Variants in GDAP1L1 observed in about 807,000 individuals in gnomAD.
GDAP1L1 encodes the protein ganglioside-induced differentiation-associated protein 1-like 1.
Under a neutral mutation model 37.1 loss-of-function variants are expected in GDAP1L1, and 21 were observed. The observed-to-expected ratio is 0.57, with a 90% CI of 0.40 to 0.81. GDAP1L1 has a LOEUF of 0.81. Ranked by LOEUF, GDAP1L1 falls within the 40% of genes least tolerant of loss-of-function variation. The probability of loss-of-function intolerance (pLI) is 0.00; values close to 1 mark genes in which losing one functional copy is unlikely to be tolerated. For missense variants in GDAP1L1, 362 were observed against 491.6 expected, an observed-to-expected ratio of 0.74 and a Z score of 2.49; for synonymous variants, 193 against 209.1, an observed-to-expected ratio of 0.92 and a Z score of 0.67.
chr20:44,247,571 C>A (rs1254554690), intron 1 of GDAP1L1, 57 bp downstream of exon 1: 2 of 1,423,582 alleles, frequency 1.4e-6, no homozygotes, highest in Admixed American at 2.8e-5. Flanking sequence ...GGGAGGGGAG[C>A]CCCAGGGCTT....
At chr20:44,254,364 C>T (rs890987504) in intron 1 of GDAP1L1, among the ~76,000 whole-genome samples, 1 of 152,210 alleles carries the variant, frequency 6.6e-6, no homozygotes, top group Admixed American at 6.5e-5. Flanking sequence ...TACACACGCA[C>T]TCACACTCAG....
chr20:44,262,998 T>C (rs1181391819), intron 3 of GDAP1L1, among the ~76,000 whole-genome samples: 6 of 152,144 alleles, frequency 3.9e-5, no homozygotes, highest in South Asian at 2.1e-4. Context: ...GGGTGAGCCA[T>C]TGGCTGAGAT....
chr20:44,251,853 C>T (rs2073449965), intron 1 of GDAP1L1, among the ~76,000 whole-genome samples: 1 of 152,102 alleles, frequency 6.6e-6, no homozygotes, highest in African/African-American at 2.4e-5. Context: ...AGAACGAAAA[C>T]CAATCGTATT....
chr20:44,278,139 G>T (rs2062603491), intron 5 of GDAP1L1, among the ~76,000 whole-genome samples: 2 of 142,358 alleles, frequency 1.4e-5, no homozygotes, highest in African/African-American at 2.6e-5. Flanking sequence ...GGGCAACAGA[G>T]TGAGACTCCA....
chr20:44,253,168 C>G (rs181378247), intron 1 of GDAP1L1, among the ~76,000 whole-genome samples: 1 of 152,190 alleles, frequency 6.6e-6, no homozygotes, highest in Non-Finnish European at 1.5e-5. Context: ...ACGCACTCAC[C>G]GTCTTTTGAC....
intron 5 of GDAP1L1, among the ~76,000 whole-genome samples, chr20:44,269,623 G>A (rs1221045904): frequency 1.3e-5 from 2 of 152,054 alleles, no homozygotes; most frequent in South Asian, 2.1e-4. Context: ...TTGGGAGTGA[G>A]GTAAAGAGAA....
chr20:44,272,222 G>T (rs867945771), intron 5 of GDAP1L1, among the ~76,000 whole-genome samples: 1 of 152,222 alleles, frequency 6.6e-6, no homozygotes, highest in African/African-American at 2.4e-5. Context: ...GTGGCATGGA[G>T]CAGGTGCAGA....
At chr20:44,265,515 A>G in intron 5 of GDAP1L1, 1 of 979,074 alleles carries the variant, frequency 1.0e-6, no homozygotes, top group African/African-American at 1.7e-5. Context: ...GTCTAAACAG[A>G]TGGGGTTAGA....
intron 2 of GDAP1L1, chr20:44,258,169 T>G: frequency 1.4e-6 from 1 of 717,500 alleles, no homozygotes; most frequent in African/African-American, 1.7e-5. Context: ...TTCTCTTGAA[T>G]CCCGCAACAC....
intron 3 of GDAP1L1, 46 bp downstream of exon 3, chr20:44,258,653 C>G: frequency 7.1e-7 from 1 of 1,415,022 alleles, no homozygotes; most frequent in South Asian, 1.3e-5. Context: ...TCCCCCTTTG[C>G]GCCGCTCCTT....
chr20:44,278,509 T>C (rs1299256859), intron 5 of GDAP1L1, among the ~76,000 whole-genome samples: 1 of 152,128 alleles, frequency 6.6e-6, no homozygotes, highest in Non-Finnish European at 1.5e-5. Flanking sequence ...GCCTCCTCAG[T>C]AGCTGGGATT....
At chr20:44,269,078 C>T (rs570778513) in intron 5 of GDAP1L1, among the ~76,000 whole-genome samples, 84 of 152,214 alleles carry the variant, frequency 5.5e-4, no homozygotes, top group Non-Finnish European at 9.1e-4. Context: ...CCTGCATTTG[C>T]GGCCAGCAAA....
intron 5 of GDAP1L1, among the ~76,000 whole-genome samples, chr20:44,276,406 A>AG (rs1339179733): frequency 1.8e-5 from 2 of 108,678 alleles, no homozygotes; most frequent in African/African-American, 7.2e-5. Flanking sequence ...AGGGAAAGAA[A>AG]AAAGAAAAAG....
intron 5 of GDAP1L1, among the ~76,000 whole-genome samples, chr20:44,268,233 T>G (rs1473534668): frequency 6.6e-6 from 1 of 152,260 alleles, no homozygotes; most frequent in Non-Finnish European, 1.5e-5. Flanking sequence ...CTCTGTGACC[T>G]TGTGGAACTC....
At chr20:44,258,194 C>A (rs759907513) in intron 2 of GDAP1L1, 2 of 717,762 alleles carry the variant, frequency 2.8e-6, no homozygotes, top group African/African-American at 3.5e-5. Flanking sequence ...TCTAGGACCC[C>A]GCCTGGCAGC....
chr20:44,272,542 G>A (rs1373660553), intron 5 of GDAP1L1, among the ~76,000 whole-genome samples: 1 of 152,198 alleles, frequency 6.6e-6, no homozygotes, highest in Non-Finnish European at 1.5e-5. Flanking sequence ...TGACATTAAA[G>A]TGTAACCAGT....
At chr20:44,263,717 G>C (rs1027906320) in intron 4 of GDAP1L1, among the ~76,000 whole-genome samples, 3 of 152,222 alleles carry the variant, frequency 2.0e-5, no homozygotes, top group African/African-American at 7.2e-5. Context: ...CATGGCGGAT[G>C]CCTGTAGTCC....
intron 1 of GDAP1L1, among the ~76,000 whole-genome samples, chr20:44,256,604 G>T (rs898725800): frequency 2.0e-5 from 3 of 151,862 alleles, no homozygotes; most frequent in Non-Finnish European, 4.4e-5. Flanking sequence ...AGGTTGCAGA[G>T]AGCTGAGATT....
intron 5 of GDAP1L1, 98 bp from the exon 6 acceptor site, chr20:44,278,859 T>TGG: frequency 5.3e-6 from 4 of 753,518 alleles, no homozygotes; most frequent in Non-Finnish European, 9.1e-6. Flanking sequence ...CAGAAAATAC[T>TGG]GGGGCAGGCA....
Sources: allele counts gnomAD v4.1 joint callset (sites outside exome capture counted in the v4.1 genomes callset), GRCh38; gene constraint gnomAD v4.1.1; transcripts MANE v1.5; gene names NCBI Gene and HGNC (gene_info 2026-07-23, HGNC 2026-07-21).